Variants in COL6A5 observed in about 807,000 individuals in gnomAD.
COL6A5 encodes the protein collagen alpha-5(VI) chain.
Under a neutral mutation model 65.6 loss-of-function variants are expected in COL6A5, and 48 were observed. That is an observed-to-expected ratio of 0.73 (90% confidence interval 0.58 to 0.93). The LOEUF (loss-of-function observed/expected upper bound fraction) is 0.93, where lower values mean the gene tolerates loss of function less well. Ranked by LOEUF, COL6A5 falls within the 40% of genes least tolerant of loss-of-function variation. COL6A5 has a pLI of 0.00. For missense variants in COL6A5, 914 were observed against 928.3 expected (o/e 0.98, Z 0.20); for synonymous variants, 291 against 322.8 (o/e 0.90, Z 1.05).
At position 130,439,356 on chromosome 3, in the gene COL6A5, TGTGTG is replaced by T. The variant is rs1165237733; in HGVS notation, c.488-165_488-161del. 4.7e-5 allele frequency among the ~76,000 whole-genome samples: 7 copies of T among 149,760 alleles called. No individual in the cohort carries two copies. In the East Asian group the frequency reaches 1.4e-3, roughly 29 times the overall value. On this transcript the variant is annotated intron_variant, in intron 1 of 7. Transcript: ENST00000512836. ...GCAGGGGATTGTGTGTGTGTGTGTGTGTGTGTGTGTGTGTGTGTGTGTGAACATGC... is the reference window on the plus strand; with the variant it reads ...GCAGGGGATTGTGTGTGTGTGTGTGTTGTGTGTGTGTGTGTGTGAACATGC...
exon 8 of COL6A5, chr3:130,484,036 T>C: frequency 6.2e-7 from 1 of 1,608,928 alleles, no homozygotes; most frequent in Non-Finnish European, 8.5e-7. Flanking sequence ...ATTTTGCAGA[T>C]GGTGAAGATA....
intron 13 of COL6A5, among the ~76,000 whole-genome samples, chr3:130,404,124 G>A (rs1012150288): frequency 1.3e-5 from 2 of 152,158 alleles, no homozygotes; most frequent in African/African-American, 4.8e-5. Flanking sequence ...ACCCTTCCAT[G>A]GAAAGGGAAG....
exon 3 of COL6A5, chr3:130,376,441 G>A (rs1416328620): frequency 1.9e-6 from 3 of 1,612,434 alleles, no homozygotes; most frequent in East Asian, 2.2e-5. Context: ...AAAGGCAGAA[G>A]CCCCATGCTG....
chr3:130,395,523 A>T, intron 8 of COL6A5, 58 bp downstream of exon 8: 2 of 1,286,622 alleles, frequency 1.6e-6, no homozygotes, highest in South Asian at 1.4e-5. Context: ...CCATTTCCCA[A>T]GAGTGTCTTA....
At chr3:130,461,942 G>A (rs1709709609) in intron 5 of COL6A5, among the ~76,000 whole-genome samples, 1 of 151,802 alleles carries the variant, frequency 6.6e-6, no homozygotes, top group Admixed American at 6.6e-5. Flanking sequence ...TTCAGAGTGT[G>A]AAATGACCCA....
intron 8 of COL6A5, among the ~76,000 whole-genome samples, 159 bp from the exon 9 acceptor site, chr3:130,397,422 GTA>G (rs1410913593): frequency 6.6e-6 from 1 of 151,934 alleles, no homozygotes. Flanking sequence ...ATATGTATAT[GTA>G]TATATATGAT....
intron 20 of COL6A5, among the ~76,000 whole-genome samples, chr3:130,411,719 T>C (rs1937181486): frequency 1.3e-5 from 2 of 152,168 alleles, no homozygotes; most frequent in Non-Finnish European, 1.5e-5. Flanking sequence ...AATAGCTTTA[T>C]AACTGACACA....
At chr3:130,438,164 A>AT (rs1347475584) in intron 1 of COL6A5, among the ~76,000 whole-genome samples, 1 of 152,022 alleles carries the variant, frequency 6.6e-6, no homozygotes, top group African/African-American at 2.4e-5. Context: ...CACCTGGCTA[A>AT]TTTTTGTATG....
chr3:130,354,613 C>G (rs139821163), intron 1 of COL6A5, among the ~76,000 whole-genome samples: 1 of 152,178 alleles, frequency 6.6e-6, no homozygotes, highest in African/African-American at 2.4e-5. Context: ...TTGAGAAACA[C>G]TTTCTTAATT....
At chr3:130,397,810 G>A (rs1208549497) in exon 9 of COL6A5, 1 of 1,551,672 alleles carries the variant, frequency 6.4e-7, no homozygotes, top group Admixed American at 2.0e-5. Flanking sequence ...CTATCAGAAA[G>A]CAGTGTTTGA....
upstream of COL6A5, among the ~76,000 whole-genome samples, chr3:130,428,854 C>T (rs532867618): frequency 3.9e-5 from 6 of 152,120 alleles, no homozygotes; most frequent in Admixed American, 1.3e-4. Flanking sequence ...AAGGCTGGTG[C>T]GTTGCCAGTA....
At chr3:130,443,600 T>A in intron 4 of COL6A5, 34 bp downstream of exon 36, 1 of 1,395,558 alleles carries the variant, frequency 7.2e-7, no homozygotes, top group Non-Finnish European at 1.0e-6. Context: ...TACAAGTGAC[T>A]GCTAATTGGC....
intron 5 of COL6A5, among the ~76,000 whole-genome samples, chr3:130,465,526 G>A (rs1391187205): frequency 6.6e-6 from 1 of 152,118 alleles, no homozygotes; most frequent in East Asian, 1.9e-4. Context: ...GAAATAATTA[G>A]CCCTGAATTA....
At chr3:130,467,013 A>C (rs1038397707) in intron 5 of COL6A5, among the ~76,000 whole-genome samples, 27 of 152,168 alleles carry the variant, frequency 1.8e-4, no homozygotes, top group Non-Finnish European at 2.6e-4. Flanking sequence ...ATTCAACTAA[A>C]AATTTAAGGA....
intron 1 of COL6A5, among the ~76,000 whole-genome samples, chr3:130,434,730 G>T (rs1937969077): frequency 6.6e-6 from 1 of 152,152 alleles, no homozygotes; most frequent in African/African-American, 2.4e-5. Flanking sequence ...CCACATAAAT[G>T]TCTTCTTTTG....
At chr3:130,414,007 A>G (rs10512767) in intron 21 of COL6A5, 62 bp from the exon 22 acceptor site, 1,021,055 of 1,256,292 alleles carry the variant, frequency 0.81, 429,876 homozygotes, top group Non-Finnish European at 0.88. Flanking sequence ...ATAGTATGAA[A>G]AGAAAATCTA....
At chr3:130,389,003 G>T (rs566643165) in exon 6 of COL6A5, 3 of 1,546,402 alleles carry the variant, frequency 1.9e-6, no homozygotes, top group African/African-American at 2.7e-5. Flanking sequence ...TTCTCTGTAG[G>T]AGTATACAAT....
Position 130,484,526 on chromosome 3 carries a change from A to G in COL6A5, c.*485A>G, listed in dbSNP as rs1274047400. On this transcript the variant is annotated 3_prime_UTR_variant, in exon 8 of 8. Coordinates refer to ENST00000512836, the Ensembl canonical transcript of COL6A5. ...TCATCGGTTCTGGGGTGACCCTAACATTTCATCTAGCAGTGATTGTCTTCT... is the reference window on the plus strand; with the variant it reads ...TCATCGGTTCTGGGGTGACCCTAACGTTTCATCTAGCAGTGATTGTCTTCT... 10 of 398,962 alleles carry G rather than the reference A, an allele frequency of 2.5e-5. No individual in the cohort carries two copies. The East Asian group carries it at 3.6e-4, about 14-fold the overall frequency. The allele number at this position is 398,962 out of a possible 1,614,324, so 24.7% of individuals were successfully genotyped here.
At chr3:130,431,901 T>G (rs1937832109) in exon 1 of COL6A5, 2 of 1,551,420 alleles carry the variant, frequency 1.3e-6, no homozygotes, top group Non-Finnish European at 1.7e-6. Flanking sequence ...TGGATATCAG[T>G]CCAACAGTCT....
Sources: allele counts gnomAD v4.1 joint callset (sites outside exome capture counted in the v4.1 genomes callset), GRCh38; gene constraint gnomAD v4.1.1; transcripts MANE v1.5; gene names NCBI Gene and HGNC (gene_info 2026-07-23, HGNC 2026-07-21).